ZNF846: variants seen among roughly 807,000 people sequenced by gnomAD.
ZNF846 encodes the protein zinc finger protein 420 pseudogene.
In ZNF846, 15 loss-of-function variants were observed where a neutral mutation model predicts 16.0. The observed-to-expected ratio is 0.94, with a 90% CI of 0.63 to 1.45. The LOEUF is 1.45. Ranked by LOEUF, ZNF846 falls within the 40% of genes most tolerant of loss-of-function variation. ZNF846 has a pLI of 0.00. For missense variants in ZNF846, 714 were observed against 622.3 expected, an observed-to-expected ratio of 1.15 and a Z score of -1.57; for synonymous variants, 229 against 212.0, an observed-to-expected ratio of 1.08 and a Z score of -0.70.
At chr19:9,776,714 T>C (rs1272449322) in intron 1 of ZNF846, among the ~76,000 whole-genome samples, 1 of 152,096 alleles carries the variant, frequency 6.6e-6, no homozygotes, top group Non-Finnish European at 1.5e-5. Flanking sequence ...ATTTCTACAC[T>C]CTCTTGTCGC....
chr19:9,768,753 T>G (rs1008799851), upstream of ZNF846: 1 of 152,366 alleles, frequency 6.6e-6, no homozygotes, highest in Non-Finnish European at 1.5e-5. Flanking sequence ...GCGCGCCGGC[T>G]GGCACTTCCG....
intron 1 of ZNF846, among the ~76,000 whole-genome samples, chr19:9,774,269 C>T (rs1006938600): frequency 2.0e-5 from 3 of 151,952 alleles, no homozygotes; most frequent in South Asian, 2.1e-4. Context: ...GAGATAGAGA[C>T]CACCCTGGCT....
chr19:9,780,622 G>C (rs951428046), intron 1 of ZNF846, among the ~76,000 whole-genome samples: 4 of 151,892 alleles, frequency 2.6e-5, no homozygotes, highest in African/African-American at 9.7e-5. Context: ...GCTAATTTTT[G>C]TATTTTAGTA....
At chr19:9,771,818 G>T (rs780502728), upstream of ZNF846, among the ~76,000 whole-genome samples, 6 of 151,826 alleles carry the variant, frequency 4.0e-5, no homozygotes, top group Non-Finnish European at 7.4e-5. Context: ...TGCCAGGCTG[G>T]AGTGCAGTGG....
intron 3 of ZNF846, among the ~76,000 whole-genome samples, chr19:9,762,883 G>A (rs949670739): frequency 9.9e-5 from 15 of 152,244 alleles, no homozygotes; most frequent in East Asian, 7.8e-4. Context: ...GGTGGCTCAC[G>A]CCTGTAATCC....
At chr19:9,761,068 G>A (rs374994356) in intron 4 of ZNF846, among the ~76,000 whole-genome samples, 24 of 148,818 alleles carry the variant, frequency 1.6e-4, no homozygotes, top group Admixed American at 6.6e-4. Flanking sequence ...GCATGGTGGC[G>A]CACGCCTGTA....
chr19:9,774,448 A>C (rs1210493978), intron 1 of ZNF846: 4 of 728,960 alleles, frequency 5.5e-6, no homozygotes, highest in African/African-American at 1.8e-5. Context: ...AGCCTGGGCA[A>C]CAGAGCAAGA....
chr19:9,770,180 C>A (rs968131995), upstream of ZNF846, among the ~76,000 whole-genome samples: 1 of 152,040 alleles, frequency 6.6e-6, no homozygotes, highest in Non-Finnish European at 1.5e-5. Context: ...AATTTTAGAA[C>A]ATTTTCATGA....
downstream of ZNF846, among the ~76,000 whole-genome samples, chr19:9,754,993 G>A (rs1296617657): frequency 1.3e-5 from 2 of 151,242 alleles, no homozygotes; most frequent in African/African-American, 4.9e-5. Context: ...AGCCTCTCAA[G>A]TAGCTGGGAC....
intron 1 of ZNF846, chr19:9,775,039 T>G: frequency 2.3e-6 from 3 of 1,306,594 alleles, no homozygotes; most frequent in African/African-American, 1.5e-5. Flanking sequence ...AGCAGGACTC[T>G]GTGGAAATTG....
chr19:9,768,846 C>G (rs114615765), upstream of ZNF846: 1 of 152,256 alleles, frequency 6.6e-6, no homozygotes, highest in Admixed American at 6.5e-5. Flanking sequence ...GAGAGAAGAG[C>G]TGGGGCCACC....
At chr19:9,774,023 C>A (rs2045411742) in intron 1 of ZNF846, among the ~76,000 whole-genome samples, 1 of 152,030 alleles carries the variant, frequency 6.6e-6, no homozygotes, top group African/African-American at 2.4e-5. Context: ...TTAGACTTAT[C>A]AAAAAATGTG....
At chr19:9,777,497 C>A (rs904304486) in intron 1 of ZNF846, among the ~76,000 whole-genome samples, 1 of 151,622 alleles carries the variant, frequency 6.6e-6, no homozygotes, top group African/African-American at 2.4e-5. Flanking sequence ...CTGGTGAAAT[C>A]CCGTCTCTAC....
At chr19:9,753,440 G>A (rs1040807183), downstream of ZNF846, among the ~76,000 whole-genome samples, 1 of 145,852 alleles carries the variant, frequency 6.9e-6, no homozygotes, top group Admixed American at 6.8e-5. Context: ...TTTTTAAGTA[G>A]AGACAGGGTT....
At chr19:9,773,760 C>T (rs538699784) in intron 1 of ZNF846, among the ~76,000 whole-genome samples, 5 of 151,518 alleles carry the variant, frequency 3.3e-5, no homozygotes, top group Admixed American at 6.6e-5. Context: ...TCAGCCTGGG[C>T]GACAGAGCGA....
chr19:9,783,467 T>C (rs904941053), intron 1 of ZNF846, among the ~76,000 whole-genome samples: 4 of 144,932 alleles, frequency 2.8e-5, no homozygotes, highest in Non-Finnish European at 6.0e-5. Flanking sequence ...TGTGCTATGA[T>C]TGCCACTATG....
At chr19:9,759,113 T>A (rs560562553) in intron 5 of ZNF846, among the ~76,000 whole-genome samples, 4 of 151,898 alleles carry the variant, frequency 2.6e-5, no homozygotes, top group Non-Finnish European at 5.9e-5. Flanking sequence ...TTCTCAGGCC[T>A]CAGCCTCCCA....
At chr19:9,755,948 C>G (rs1196133003), downstream of ZNF846, among the ~76,000 whole-genome samples, 1 of 140,772 alleles carries the variant, frequency 7.1e-6, no homozygotes, top group Non-Finnish European at 1.5e-5. Flanking sequence ...TCACACAATT[C>G]TCCTGCCTCA....
chr19:9,769,980 CAAAAA>C (rs765094580), upstream of ZNF846, among the ~76,000 whole-genome samples: 1 of 78,190 alleles, frequency 1.3e-5, no homozygotes, highest in African/African-American at 5.4e-5. Context: ...GACTCCGTCT[CAAAAA>C]AAAAAAAAAA....
Sources: allele counts gnomAD v4.1 joint callset (sites outside exome capture counted in the v4.1 genomes callset), GRCh38; gene constraint gnomAD v4.1.1; transcripts MANE v1.5; gene names NCBI Gene and HGNC (gene_info 2026-07-23, HGNC 2026-07-21).